PPIP5K2: variants seen among roughly 807,000 people sequenced by gnomAD.
The protein encoded by PPIP5K2 is diphosphoinositol pentakisphosphate kinase 2.
PPIP5K2 carries 105 observed loss-of-function variants against 154.6 expected under a neutral mutation model. The observed-to-expected ratio is 0.68, with a 90% CI of 0.58 to 0.80. The LOEUF is 0.80. PPIP5K2 is among the 30% of genes least tolerant of loss of function. PPIP5K2 has a pLI of 0.00. For synonymous variants in PPIP5K2, 480 were observed against 490.3 expected (o/e 0.98, Z 0.28); for missense variants, 992 against 1,504.6 (o/e 0.66, Z 5.64).
In PPIP5K2 at chr5:103,158,177, A is replaced by G. The variant is rs554195929; in HGVS notation, c.1490-11A>G. 6.8e-6 allele frequency: 11 copies of G among 1,609,624 alleles called. No homozygotes were observed. In the Admixed American group the frequency reaches 1.3e-4, roughly 20 times the overall value. On this transcript the variant is annotated splice_polypyrimidine_tract_variant and intron_variant, in intron 14 of 30. Coordinates refer to ENST00000358359, the MANE Select transcript of PPIP5K2 (RefSeq NM_001276277.3). ...CTTAACATTTGTTTTATTCATTCATATGTGTCATAGACAGCCGAAGAGAAG... is the reference window on the plus strand; with the variant it reads ...CTTAACATTTGTTTTATTCATTCATGTGTGTCATAGACAGCCGAAGAGAAG...
At chr5:103,191,018 GCTGGGCAACTA>G (rs1562502758) in intron 29 of PPIP5K2, 36 bp downstream of exon 29, 1 of 1,587,706 alleles carries the variant, frequency 6.3e-7, no homozygotes, top group Non-Finnish European at 8.6e-7. Flanking sequence ...TTATTTAGTT[GCTGGGCAACTA>G]CATACTATCT....
chr5:103,142,100 G>T (rs1792823510), intron 5 of PPIP5K2, among the ~76,000 whole-genome samples: 1 of 152,222 alleles, frequency 6.6e-6, no homozygotes, highest in Non-Finnish European at 1.5e-5. Flanking sequence ...GCTCGTTGGG[G>T]AGGCTCGGGC....
chr5:103,174,781 C>T (rs1401009551), intron 21 of PPIP5K2, among the ~76,000 whole-genome samples: 1 of 152,092 alleles, frequency 6.6e-6, no homozygotes, highest in Non-Finnish European at 1.5e-5. Context: ...CAACCCACAG[C>T]ACCAGATGGG....
chr5:103,200,756 C>T (rs782134452), intron 30 of PPIP5K2, among the ~76,000 whole-genome samples: 37 of 151,904 alleles, frequency 2.4e-4, no homozygotes, highest in Non-Finnish European at 4.3e-4. Context: ...CTACGTTGGC[C>T]TCCTGAGTAG....
intron 30 of PPIP5K2, 131 bp downstream of exon 30, chr5:103,195,156 T>C: frequency 8.8e-7 from 1 of 1,133,882 alleles, no homozygotes; most frequent in Non-Finnish European, 1.2e-6. Flanking sequence ...TCCTAAGGGT[T>C]AAAAATCGAT....
intron 1 of PPIP5K2, among the ~76,000 whole-genome samples, chr5:103,123,430 C>T (rs1023499992): frequency 3.9e-5 from 6 of 152,308 alleles, no homozygotes; most frequent in African/African-American, 1.2e-4. Flanking sequence ...AAATATTGGG[C>T]CCCACCCCCA....
intron 1 of PPIP5K2, among the ~76,000 whole-genome samples, chr5:103,122,290 G>C (rs1788902738): frequency 6.6e-6 from 1 of 152,140 alleles, no homozygotes; most frequent in Non-Finnish European, 1.5e-5. Flanking sequence ...AAAATGCTGC[G>C]GAACATAGAA....
At chr5:103,150,232 T>C (rs569594056) in intron 8 of PPIP5K2, among the ~76,000 whole-genome samples, 6 of 152,304 alleles carry the variant, frequency 3.9e-5, no homozygotes, top group Non-Finnish European at 5.9e-5. Context: ...GTGTCTTTCA[T>C]GGAAGGAATG....
At chr5:103,153,956 T>G in intron 11 of PPIP5K2, 22 bp downstream of exon 11, 2 of 1,494,558 alleles carry the variant, frequency 1.3e-6, no homozygotes, top group Non-Finnish European at 1.8e-6. Context: ...GATGAATAAT[T>G]TAACATGCAT....
intron 5 of PPIP5K2, among the ~76,000 whole-genome samples, chr5:103,145,338 A>C (rs1793583175): frequency 6.6e-6 from 1 of 152,132 alleles, no homozygotes; most frequent in African/African-American, 2.4e-5. Flanking sequence ...AACAAAATGG[A>C]GGTTCCTCAA....
chr5:103,170,860 G>T (rs894179683), intron 19 of PPIP5K2, among the ~76,000 whole-genome samples: 1 of 151,378 alleles, frequency 6.6e-6, no homozygotes, highest in African/African-American at 2.4e-5. Flanking sequence ...TGCATACATA[G>T]TTCTCAAGCA....
rs76027213 is a variant in PPIP5K2, at chr5:103,121,689, C to T, written c.-285+1201C>T. On this transcript the variant is annotated intron_variant, in intron 1 of 30. Transcript: ENST00000358359. ...GTAGTGCAGAACCCAGAATACTGTA[C>T]TTACTGCAGCACAGGTTTATTTAAA... Among the ~76,000 whole-genome samples, 801 of 152,344 alleles carry T rather than the reference C, an allele frequency of 5.3e-3. 7 individuals are homozygous for T. The highest frequency in any genetic ancestry group is 0.017 in the African/African-American group (715 of 41,564).
intron 5 of PPIP5K2, among the ~76,000 whole-genome samples, chr5:103,142,277 G>A (rs992365550): frequency 6.6e-6 from 1 of 152,184 alleles, no homozygotes; most frequent in Non-Finnish European, 1.5e-5. Context: ...ACTGGCCCGG[G>A]TGCTAAGTCC....
intron 29 of PPIP5K2, among the ~76,000 whole-genome samples, chr5:103,192,800 A>G (rs1460394863): frequency 6.6e-6 from 1 of 152,156 alleles, no homozygotes; most frequent in Non-Finnish European, 1.5e-5. Context: ...GCTCTTCTGT[A>G]TATCATGGAT....
At position 103,167,747 on chromosome 5, in the gene PPIP5K2, A is replaced by G. The variant is rs142671521; in HGVS notation, c.2063-325A>G. The stretch of plus-strand genomic sequence containing the variant: ...CTAATGTTCCTCTGCTAGTCTGCCT[A>G]TTCACTTAGTTATGTGAGTCTAATA... On this transcript the variant is annotated intron_variant, in intron 18 of 30. Coordinates refer to ENST00000358359, the MANE Select transcript of PPIP5K2 (RefSeq NM_001276277.3). Among the ~76,000 whole-genome samples, 25 of 152,036 alleles carry G rather than the reference A, an allele frequency of 1.6e-4. No homozygotes were observed. In the East Asian group the frequency reaches 4.6e-3, roughly 28 times the overall value.
intron 14 of PPIP5K2, among the ~76,000 whole-genome samples, chr5:103,157,873 A>G (rs1795663147): frequency 6.6e-6 from 1 of 152,218 alleles, no homozygotes; most frequent in Non-Finnish European, 1.5e-5. Flanking sequence ...AGTACAATGA[A>G]AAAATTACTA....
intron 1 of PPIP5K2, among the ~76,000 whole-genome samples, chr5:103,122,824 T>G (rs1788995278): frequency 6.6e-6 from 1 of 152,134 alleles, no homozygotes; most frequent in Non-Finnish European, 1.5e-5. Flanking sequence ...GGCTTGGAAA[T>G]ATTAAGTTCA....
At chr5:103,151,407 A>T (rs1294872376) in intron 9 of PPIP5K2, 33 bp downstream of exon 9, 1 of 1,509,148 alleles carries the variant, frequency 6.6e-7, no homozygotes, top group East Asian at 2.3e-5. Context: ...TTTTACCTTC[A>T]TATACTAGTT....
chr5:103,138,939 T>A (rs1431216136), intron 5 of PPIP5K2, among the ~76,000 whole-genome samples: 1 of 152,222 alleles, frequency 6.6e-6, no homozygotes, highest in Non-Finnish European at 1.5e-5. Context: ...AAATACGGAA[T>A]TCGTGGGTCC....
Sources: allele counts gnomAD v4.1 joint callset (sites outside exome capture counted in the v4.1 genomes callset), GRCh38; gene constraint gnomAD v4.1.1; transcripts MANE v1.5; gene names NCBI Gene and HGNC (gene_info 2026-07-23, HGNC 2026-07-21).